Variants in ZNF385D observed in about 807,000 individuals in gnomAD.
ZNF385D encodes the protein zinc finger protein 659.
ZNF385D carries 15 observed loss-of-function variants against 35.8 expected under a neutral mutation model. The observed-to-expected ratio is 0.42, with a 90% CI of 0.28 to 0.64. The LOEUF (loss-of-function observed/expected upper bound fraction) is 0.64, where lower values mean the gene tolerates loss of function less well. Among genes scored for constraint, ZNF385D ranks in the 30% least tolerant of loss-of-function variants. The probability of loss-of-function intolerance (pLI) is 0.23; values close to 1 mark genes in which losing one functional copy is unlikely to be tolerated. For synonymous variants in ZNF385D, 212 were observed against 186.8 expected (o/e 1.13, Z -1.10); for missense variants, 474 against 494.6 (o/e 0.96, Z 0.39).
rs560957351 is a variant in ZNF385D at position 21,917,517 on chromosome 3, C to T, written c.325+251300G>A. ...TGAAGGACTTGTATCAAGTGGAAAG[C>T]ATTAGAATAGAGACCTACTGGTCTC... On this transcript the variant is annotated intron_variant, in intron 3 of 5. Coordinates refer to the ZNF385D transcript ENST00000494108. Among the ~76,000 whole-genome samples, 3 of 152,206 alleles carry T rather than the reference C, an allele frequency of 2.0e-5. No individual in the cohort carries two copies. In the East Asian group the frequency reaches 5.8e-4, roughly 29 times the overall value.
chr3:21,751,324 T>C (rs979284435), upstream of ZNF385D: 1 of 1,067,618 alleles, frequency 9.4e-7, no homozygotes, highest in Non-Finnish European at 1.1e-6. Context: ...CGGGAAGCTT[T>C]GACGAGCCCA....
At chr3:21,905,825 A>G (rs530491989) in intron 3 of ZNF385D, among the ~76,000 whole-genome samples, 1 of 152,244 alleles carries the variant, frequency 6.6e-6, no homozygotes, top group Admixed American at 6.5e-5. Flanking sequence ...TATTTGCTTT[A>G]TATGTACCTG....
intron 3 of ZNF385D, among the ~76,000 whole-genome samples, chr3:22,138,615 T>C (rs1196020358): frequency 6.6e-6 from 1 of 151,790 alleles, no homozygotes; most frequent in Non-Finnish European, 1.5e-5. Context: ...GCTAGCTATA[T>C]GTAGAAAGCT....
At chr3:21,442,111 C>T (rs537298345) in intron 4 of ZNF385D, among the ~76,000 whole-genome samples, 77 of 152,196 alleles carry the variant, frequency 5.1e-4, no homozygotes, top group African/African-American at 1.7e-3. Context: ...ACTGTAAATA[C>T]TTCTTTAAAA....
At chr3:21,700,034 G>T (rs570353583) in intron 1 of ZNF385D, among the ~76,000 whole-genome samples, 1 of 151,982 alleles carries the variant, frequency 6.6e-6, no homozygotes, top group Non-Finnish European at 1.5e-5. Context: ...GTTTCACCGT[G>T]TTGGCCAGGC....
intron 4 of ZNF385D, among the ~76,000 whole-genome samples, chr3:21,502,004 A>G (rs1162805297): frequency 6.6e-6 from 1 of 152,188 alleles, no homozygotes; most frequent in Non-Finnish European, 1.5e-5. Context: ...ACACATACTC[A>G]CATGCATATG....
intron 3 of ZNF385D, among the ~76,000 whole-genome samples, chr3:22,095,329 A>T (rs903891447): frequency 6.6e-6 from 1 of 151,850 alleles, no homozygotes; most frequent in Non-Finnish European, 1.5e-5. Context: ...AATTCTGCAC[A>T]TCTATTTCTT....
At chr3:22,248,750 G>A (rs982791110) in intron 2 of ZNF385D, among the ~76,000 whole-genome samples, 4 of 152,092 alleles carry the variant, frequency 2.6e-5, no homozygotes, top group Admixed American at 6.6e-5. Context: ...AATGGGAGTC[G>A]CCTCCATCTG....
At chr3:22,363,989 CAACTT>C (rs982582384) in intron 2 of ZNF385D, among the ~76,000 whole-genome samples, 7 of 152,094 alleles carry the variant, frequency 4.6e-5, no homozygotes, top group African/African-American at 1.7e-4. Flanking sequence ...GCTTAATATT[CAACTT>C]TACTTAAATG....
intron 3 of ZNF385D, among the ~76,000 whole-genome samples, chr3:22,164,078 T>C (rs1424057997): frequency 1.3e-5 from 2 of 152,124 alleles, no homozygotes; most frequent in East Asian, 3.9e-4. Context: ...ATATGGGGGA[T>C]AGGTAAAAGA....
At chr3:22,067,131 A>G (rs1429299909) in intron 3 of ZNF385D, among the ~76,000 whole-genome samples, 2 of 152,200 alleles carry the variant, frequency 1.3e-5, no homozygotes, top group Non-Finnish European at 2.9e-5. Context: ...CATTAGAAAA[A>G]TAAAGAGAAT....
chr3:21,609,156 G>T (rs1824212), intron 2 of ZNF385D, among the ~76,000 whole-genome samples: 80,577 of 151,986 alleles, frequency 0.53, 21,727 homozygotes, highest in East Asian at 0.65. Context: ...AGAAGAACAC[G>T]AGAGTAAGAG....
At chr3:22,317,728 T>C (rs987373199) in intron 2 of ZNF385D, among the ~76,000 whole-genome samples, 4 of 152,186 alleles carry the variant, frequency 2.6e-5, no homozygotes, top group Admixed American at 6.5e-5. Context: ...TTTTCCCCCA[T>C]GCACATTAAT....
chr3:22,133,150 C>A (rs1703898802), intron 3 of ZNF385D, among the ~76,000 whole-genome samples: 1 of 151,808 alleles, frequency 6.6e-6, no homozygotes, highest in African/African-American at 2.4e-5. Flanking sequence ...TAAAAAATAC[C>A]CTCAAATACC....
chr3:22,036,315 C>G (rs1447499187), intron 3 of ZNF385D, among the ~76,000 whole-genome samples: 1 of 152,128 alleles, frequency 6.6e-6, no homozygotes, highest in Admixed American at 6.6e-5. Flanking sequence ...TATTTTAATG[C>G]AGACTGGTAG....
At chr3:22,106,844 C>T (rs930609051) in intron 3 of ZNF385D, among the ~76,000 whole-genome samples, 3 of 152,084 alleles carry the variant, frequency 2.0e-5, no homozygotes, top group Non-Finnish European at 2.9e-5. Flanking sequence ...TCAACCACCA[C>T]GATCCCTTAA....
chr3:21,827,420 C>G (rs540348400), intron 3 of ZNF385D, among the ~76,000 whole-genome samples: 2 of 152,088 alleles, frequency 1.3e-5, no homozygotes, highest in Admixed American at 6.5e-5. Context: ...TTCTTAGCAT[C>G]CTGACTCAAA....
chr3:21,901,894 A>G (rs1024666421), intron 3 of ZNF385D, among the ~76,000 whole-genome samples: 2 of 152,180 alleles, frequency 1.3e-5, no homozygotes, highest in Admixed American at 1.3e-4. Context: ...GACACAGAAG[A>G]GCGTTCAGTC....
intron 3 of ZNF385D, among the ~76,000 whole-genome samples, chr3:22,037,624 G>A (rs1388869708): frequency 6.6e-6 from 1 of 152,226 alleles, no homozygotes; most frequent in Admixed American, 6.5e-5. Flanking sequence ...TGTCAGATGA[G>A]TAGATTGCAA....
Sources: gnomAD v4.1 joint callset for allele counts (sites outside exome capture counted in the v4.1 genomes callset) on GRCh38, gnomAD v4.1.1 for gene constraint, MANE v1.5 for transcripts, NCBI Gene and HGNC (gene_info 2026-07-23, HGNC 2026-07-21) for gene names.